CFAP61: variants seen among roughly 807,000 people sequenced by gnomAD.
CFAP61 encodes the protein cilia- and flagella-associated protein 61.
CFAP61 carries 107 observed loss-of-function variants against 135.6 expected under a neutral mutation model. That is an observed-to-expected ratio of 0.79 (90% CI 0.67 to 0.93). The LOEUF is 0.93. Ranked by LOEUF, CFAP61 falls within the 40% of genes least tolerant of loss-of-function variation. The pLI is 0.00. For missense variants in CFAP61, 1,507 were observed against 1,556.2 expected (o/e 0.97, Z 0.53); for synonymous variants, 575 against 578.5 (o/e 0.99, Z 0.09).
chr20:20,251,844 C>T, intron 20 of CFAP61, 81 bp downstream of exon 20: 1 of 1,409,336 alleles, frequency 7.1e-7, no homozygotes, highest in South Asian at 1.2e-5. Context: ...GGGGCACACA[C>T]ACTCTGGGTA....
intron 7 of CFAP61, chr20:20,094,705 G>T (rs929878304): frequency 2.9e-4 from 44 of 152,358 alleles, no homozygotes; most frequent in African/African-American, 1.1e-3. Context: ...TCCAGAGGCC[G>T]TGCTGCCTCA....
intron 9 of CFAP61, among the ~76,000 whole-genome samples, chr20:20,158,816 TCACA>T (rs1263385158): frequency 5.9e-5 from 9 of 152,158 alleles, no homozygotes; most frequent in Non-Finnish European, 1.2e-4. Context: ...ATTATCTTGA[TCACA>T]GTGATATTTT....
chr20:20,105,625 T>A (rs2048328704), intron 8 of CFAP61, among the ~76,000 whole-genome samples: 1 of 149,866 alleles, frequency 6.7e-6, no homozygotes, highest in Admixed American at 6.7e-5. Flanking sequence ...ATTTGAATTA[T>A]TTATTTATTT....
intron 8 of CFAP61, among the ~76,000 whole-genome samples, chr20:20,140,450 T>C (rs2051297279): frequency 3.2e-4 from 1 of 3,128 alleles, no homozygotes; most frequent in South Asian, 0.01. Context: ...GGTGTTTGGT[T>C]TTTTTGTCCT....
chr20:20,146,338 A>G (rs1260717439), intron 9 of CFAP61, among the ~76,000 whole-genome samples: 1 of 152,224 alleles, frequency 6.6e-6, no homozygotes, highest in African/African-American at 2.4e-5. Flanking sequence ...ATAAACTAGA[A>G]TGAAACAACT....
chr20:20,273,867 A>G (rs2053554411), intron 21 of CFAP61, among the ~76,000 whole-genome samples: 1 of 152,262 alleles, frequency 6.6e-6, no homozygotes, highest in South Asian at 2.1e-4. Context: ...GGGCCCAGAT[A>G]TAGCTGTGGG....
intron 11 of CFAP61, among the ~76,000 whole-genome samples, 156 bp from the exon 12 acceptor site, chr20:20,166,241 G>T (rs1018377357): frequency 1.3e-5 from 2 of 152,174 alleles, no homozygotes; most frequent in African/African-American, 2.4e-5. Context: ...CGAAGCTTGC[G>T]ACTTATGCAC....
intron 20 of CFAP61, among the ~76,000 whole-genome samples, chr20:20,262,333 C>T (rs2052311762): frequency 6.6e-6 from 1 of 152,212 alleles, no homozygotes; most frequent in South Asian, 2.1e-4. Context: ...CTCTCTCTTT[C>T]TCAGAACACT....
intron 21 of CFAP61, among the ~76,000 whole-genome samples, chr20:20,271,721 C>T (rs1327906): frequency 0.094 from 14,262 of 152,232 alleles, 748 homozygotes; most frequent in Non-Finnish European, 0.12. Context: ...GTTATATTCC[C>T]TTATCCTTTA....
intron 24 of CFAP61, among the ~76,000 whole-genome samples, chr20:20,296,192 C>T (rs1413564334): frequency 1.4e-4 from 5 of 36,368 alleles, no homozygotes; most frequent in African/African-American, 6.1e-4. Flanking sequence ...CCTTCCTTCA[C>T]CTCCTTCCCT....
intron 17 of CFAP61, chr20:20,225,313 C>G (rs1365054058): frequency 6.6e-6 from 1 of 152,020 alleles, no homozygotes; most frequent in Non-Finnish European, 1.5e-5. Context: ...TCATACCTGG[C>G]GATGGATATG....
At chr20:20,169,143 GTTGC>G (rs2054040821) in intron 12 of CFAP61, among the ~76,000 whole-genome samples, 174 bp from the exon 13 acceptor site, 1 of 152,144 alleles carries the variant, frequency 6.6e-6, no homozygotes, top group Non-Finnish European at 1.5e-5. Context: ...TGCTCTTGTA[GTTGC>G]TTATTTCCTG....
At chr20:20,223,001 T>G (rs956384344) in intron 17 of CFAP61, among the ~76,000 whole-genome samples, 9 of 152,220 alleles carry the variant, frequency 5.9e-5, no homozygotes, top group African/African-American at 1.7e-4. Context: ...CATCTTTCAT[T>G]TCCTTGTATG....
intron 6 of CFAP61, among the ~76,000 whole-genome samples, chr20:20,080,511 C>T (rs1050724957): frequency 9.2e-5 from 14 of 152,082 alleles, no homozygotes; most frequent in African/African-American, 3.4e-4. Flanking sequence ...ATATATCATC[C>T]AGCATTCATA....
At chr20:20,062,316 T>C (rs2044866867) in intron 2 of CFAP61, among the ~76,000 whole-genome samples, 1 of 152,064 alleles carries the variant, frequency 6.6e-6, no homozygotes, top group South Asian at 2.1e-4. Flanking sequence ...CATGAGCAAA[T>C]AAAACAGAGT....
intron 16 of CFAP61, 148 bp from the exon 17 acceptor site, chr20:20,199,620 A>G (rs1009485578): frequency 1.4e-6 from 1 of 732,896 alleles, no homozygotes; most frequent in African/African-American, 1.8e-5. Context: ...CCTCTGCTCG[A>G]AGAGTATGTT....
At chr20:20,296,974 G>A (rs531665142) in intron 24 of CFAP61, among the ~76,000 whole-genome samples, 6 of 152,084 alleles carry the variant, frequency 3.9e-5, no homozygotes, top group African/African-American at 1.4e-4. Flanking sequence ...TATAAACAAA[G>A]GACCATTTCC....
intron 13 of CFAP61, among the ~76,000 whole-genome samples, chr20:20,182,290 A>G (rs2055160830): frequency 1.3e-5 from 2 of 152,178 alleles, no homozygotes; most frequent in African/African-American, 2.4e-5. Context: ...AAGGATTTTA[A>G]TTAGTGTTTT....
intron 22 of CFAP61, among the ~76,000 whole-genome samples, chr20:20,285,605 C>A (rs76766146): frequency 0.039 from 5,932 of 152,066 alleles, 378 homozygotes; most frequent in African/African-American, 0.14. Flanking sequence ...ATGACTGCAG[C>A]TCACCCTTTT....
Sources: allele counts gnomAD v4.1 joint callset (sites outside exome capture counted in the v4.1 genomes callset), GRCh38; gene constraint gnomAD v4.1.1; transcripts MANE v1.5; gene names NCBI Gene and HGNC (gene_info 2026-07-23, HGNC 2026-07-21).